Variants in PPFIA2 observed in about 807,000 individuals in gnomAD.
PPFIA2 encodes the protein liprin-alpha-2.
PPFIA2 carries 46 observed loss-of-function variants against 175.5 expected under a neutral mutation model. The ratio of observed to expected loss-of-function variants is 0.26; its 90% CI spans 0.21 to 0.34. The LOEUF (loss-of-function observed/expected upper bound fraction) is 0.34, where lower values mean the gene tolerates loss of function less well. Ranked by LOEUF, PPFIA2 falls within the 10% of genes least tolerant of loss-of-function variation. The probability of loss-of-function intolerance (pLI) is 1.00; values close to 1 mark genes in which losing one functional copy is unlikely to be tolerated. For synonymous variants in PPFIA2, 568 were observed against 511.4 expected, an observed-to-expected ratio of 1.11 and a Z score of -1.49; for missense variants, 1,179 against 1,506.1, an observed-to-expected ratio of 0.78 and a Z score of 3.60.
At position 81,362,758 on chromosome 12, in the gene PPFIA2, C is replaced by T. The variant is rs374615328; in HGVS notation, c.1572G>A (p.Lys524=). The part of the protein sequence containing the change: ...DKERLAEEIE[K]LRSELDQLKM... ...TCAATTGGTCAAGTTCAGATCTCAG[C>T]TTTTCAATTTCTTCTGCTAATCTTT... Residue 524 remains lysine (K), a synonymous_variant, in exon 15 of 33, where the codon AAG becomes AAA. Transcript: ENST00000549396. 5.0e-5 allele frequency: 78 copies of T among 1,545,892 alleles called. No individual in the cohort carries two copies. The highest frequency in any genetic ancestry group is 6.6e-5 in the Non-Finnish European group (76 of 1,142,918).
chr12:81,728,151 A>G (rs1312930275), intron 3 of PPFIA2, among the ~76,000 whole-genome samples: 3 of 151,414 alleles, frequency 2.0e-5, no homozygotes, highest in African/African-American at 7.3e-5. Flanking sequence ...AAATACTGCC[A>G]AAGGCTGACA....
At chr12:81,726,839 A>G (rs1469986882) in intron 3 of PPFIA2, among the ~76,000 whole-genome samples, 1 of 151,306 alleles carries the variant, frequency 6.6e-6, no homozygotes, top group Non-Finnish European at 1.5e-5. Flanking sequence ...GAATGTAAGT[A>G]GAAGTACTGC....
intron 4 of PPFIA2, among the ~76,000 whole-genome samples, chr12:81,543,750 A>G (rs1393204099): frequency 5.3e-5 from 8 of 152,164 alleles, no homozygotes; most frequent in Admixed American, 5.2e-4. Context: ...GGTGATCAAG[A>G]TTAAAATCAA....
At chr12:81,545,855 T>C (rs2153354476) in intron 4 of PPFIA2, 1 of 152,430 alleles carries the variant, frequency 6.6e-6, no homozygotes, top group East Asian at 1.9e-4. Flanking sequence ...CCAGGCGCCA[T>C]GGCTCATGCC....
intron 4 of PPFIA2, among the ~76,000 whole-genome samples, chr12:81,575,660 A>G (rs1253492685): frequency 6.6e-6 from 1 of 151,830 alleles, no homozygotes; most frequent in Non-Finnish European, 1.5e-5. Flanking sequence ...ACCTGTATGA[A>G]AGAAAAAATA....
intron 3 of PPFIA2, among the ~76,000 whole-genome samples, chr12:81,707,284 C>T (rs1397017112): frequency 6.6e-6 from 1 of 151,368 alleles, no homozygotes; most frequent in Non-Finnish European, 1.5e-5. Flanking sequence ...TGACAAAGGG[C>T]TAATATCCAG....
chr12:81,729,168 T>C (rs1489329637), intron 3 of PPFIA2, among the ~76,000 whole-genome samples: 1 of 151,510 alleles, frequency 6.6e-6, no homozygotes, highest in Non-Finnish European at 1.5e-5. Context: ...TCTGTTTTTT[T>C]ATAGGGTCCA....
intron 4 of PPFIA2, among the ~76,000 whole-genome samples, chr12:81,527,110 A>G (rs913406109): frequency 3.3e-5 from 5 of 152,168 alleles, no homozygotes; most frequent in Admixed American, 3.3e-4. Context: ...GTCTTAATTT[A>G]GTCATTTTCT....
At chr12:81,448,513 A>C (rs1207340866) in intron 5 of PPFIA2, among the ~76,000 whole-genome samples, 1 of 152,186 alleles carries the variant, frequency 6.6e-6, no homozygotes, top group Non-Finnish European at 1.5e-5. Flanking sequence ...TCAAATTTTT[A>C]ATGTCTTCTT....
At chr12:81,405,618 G>T (rs117824790) in intron 8 of PPFIA2, among the ~76,000 whole-genome samples, 169 bp downstream of exon 8, 2,094 of 151,860 alleles carry the variant, frequency 0.014, 23 homozygotes, top group Non-Finnish European at 0.022. Context: ...ATATTTAAGA[G>T]AATCAAAATA....
chr12:81,369,039 G>T, intron 12 of PPFIA2, 72 bp downstream of exon 12: 3 of 1,350,132 alleles, frequency 2.2e-6, no homozygotes, highest in South Asian at 2.7e-5. Flanking sequence ...TCAGTTAAAG[G>T]CTTTCTTCTT....
chr12:81,592,599 A>T (rs1373749845), intron 4 of PPFIA2, among the ~76,000 whole-genome samples: 2 of 152,150 alleles, frequency 1.3e-5, no homozygotes, highest in Non-Finnish European at 2.9e-5. Context: ...TTTTAAAAAG[A>T]AGAGCACAAG....
chr12:81,399,431 C>A (rs1310377751), intron 8 of PPFIA2, among the ~76,000 whole-genome samples: 2 of 151,956 alleles, frequency 1.3e-5, no homozygotes, highest in African/African-American at 4.8e-5. Flanking sequence ...ACACAATAAC[C>A]CAGTCACTGC....
At chr12:81,317,904 G>A (rs182786352) in intron 22 of PPFIA2, among the ~76,000 whole-genome samples, 18 of 151,638 alleles carry the variant, frequency 1.2e-4, no homozygotes, top group East Asian at 3.9e-4. Flanking sequence ...TTGAATCCTC[G>A]ATGCAATAAT....
chr12:81,267,719 AATTGTATG>A (rs1416103897), intron 29 of PPFIA2, among the ~76,000 whole-genome samples, 185 bp downstream of exon 29: 1 of 130,192 alleles, frequency 7.7e-6, no homozygotes, highest in African/African-American at 2.7e-5. Flanking sequence ...TTTCTTGTTT[AATTGTATG>A]ATTTTTTTTT....
In PPFIA2 at chr12:81,416,835, C is replaced by T. The variant is rs887206469; in HGVS notation, c.646-10932G>A. 7.9e-5 allele frequency among the ~76,000 whole-genome samples: 12 copies of T among 151,764 alleles called. No individual in the cohort carries two copies. In the East Asian group the frequency reaches 2.3e-3, roughly 29 times the overall value. On this transcript the variant is annotated intron_variant, in intron 7 of 32. Coordinates refer to ENST00000549396, the MANE Select transcript of PPFIA2 (RefSeq NM_003625.5). ...AAAAGGAAAAGCAAAATTAAAGATA[C>T]TGAGTTAGGCTGAGAAGAGAGTGAA...
chr12:81,434,199 G>A (rs1035231311), intron 7 of PPFIA2, among the ~76,000 whole-genome samples: 1 of 151,776 alleles, frequency 6.6e-6, no homozygotes, highest in Non-Finnish European at 1.5e-5. Flanking sequence ...ATTTTCGATG[G>A]TATGTTACAA....
intron 3 of PPFIA2, among the ~76,000 whole-genome samples, chr12:81,748,154 T>C (rs2083292212): frequency 6.9e-6 from 1 of 144,170 alleles, no homozygotes; most frequent in South Asian, 2.3e-4. Flanking sequence ...CCCTGACCAT[T>C]CTTTCTCTTC....
intron 5 of PPFIA2, among the ~76,000 whole-genome samples, chr12:81,455,221 T>C (rs1423030193): frequency 6.6e-6 from 1 of 152,196 alleles, no homozygotes; most frequent in Non-Finnish European, 1.5e-5. Context: ...GCATCTGGTG[T>C]GAAGAGAGAC....
Sources: gnomAD v4.1 joint callset for allele counts (sites outside exome capture counted in the v4.1 genomes callset) on GRCh38, gnomAD v4.1.1 for gene constraint, MANE v1.5 for transcripts, NCBI Gene and HGNC (gene_info 2026-07-23, HGNC 2026-07-21) for gene names.